The following ELMO1 variants were observed in gnomAD, a reference collection of about 807,000 sequenced individuals.
The protein encoded by ELMO1 is engulfment and cell motility protein 1.
In ELMO1, 26 loss-of-function variants were observed where a neutral mutation model predicts 98.9. The ratio of observed to expected loss-of-function variants is 0.26; its 90% CI spans 0.19 to 0.36. The LOEUF (loss-of-function observed/expected upper bound fraction) is 0.36, where lower values mean the gene tolerates loss of function less well. ELMO1 is among the 10% of genes least tolerant of loss of function. ELMO1 has a pLI of 1.00. For missense variants in ELMO1, 627 were observed against 935.2 expected, an observed-to-expected ratio of 0.67 and a Z score of 4.30; for synonymous variants, 346 against 346.0, an observed-to-expected ratio of 1.00 and a Z score of 0.00.
intron 4 of ELMO1, among the ~76,000 whole-genome samples, chr7:37,309,843 C>A (rs970248513): frequency 6.6e-6 from 1 of 152,234 alleles, no homozygotes; most frequent in African/African-American, 2.4e-5. Flanking sequence ...CCCTCCCAGG[C>A]CTTCATCCTT....
In ELMO1 at chr7:37,321,279, T is replaced by C. The variant is rs140127954; in HGVS notation, c.79-5319A>G. On this transcript the variant is annotated intron_variant, in intron 2 of 21. Coordinates refer to ENST00000310758, the MANE Select transcript of ELMO1 (RefSeq NM_014800.11). ...AAACGCCAGCTCTGCCTTATGGACT[T>C]TTTAGTTAACATTTGCCCAAAAGGT... is the stretch of plus-strand genomic sequence containing the variant. Among the ~76,000 whole-genome samples, 339 of 152,282 alleles carry C rather than the reference T, an allele frequency of 2.2e-3. 1 individual carries two copies. The highest frequency in any genetic ancestry group is 7.7e-3 in the African/African-American group (322 of 41,558).
At chr7:37,331,001 G>C (rs959352969) in intron 2 of ELMO1, among the ~76,000 whole-genome samples, 2 of 152,166 alleles carry the variant, frequency 1.3e-5, no homozygotes, top group African/African-American at 4.8e-5. Context: ...AAGGGGTGCT[G>C]CAAGTCCTGG....
chr7:37,147,148 G>C (rs1397932447), intron 13 of ELMO1, among the ~76,000 whole-genome samples: 2 of 152,076 alleles, frequency 1.3e-5, no homozygotes, highest in African/African-American at 4.8e-5. Flanking sequence ...GGGAAATCTG[G>C]CTCATGAATA....
At chr7:37,178,274 A>T (rs1790612694) in intron 13 of ELMO1, among the ~76,000 whole-genome samples, 1 of 152,046 alleles carries the variant, frequency 6.6e-6, no homozygotes, top group African/African-American at 2.4e-5. Context: ...AATAAGAACC[A>T]AGCAAAGGGG....
intron 6 of ELMO1, 90 bp downstream of exon 6, chr7:37,259,091 A>C: frequency 7.0e-7 from 1 of 1,422,796 alleles, no homozygotes; most frequent in South Asian, 1.6e-5. Context: ...TGGTCTTTAA[A>C]ACAGAGTTTG....
At chr7:37,045,144 A>G (rs755268338) in intron 15 of ELMO1, among the ~76,000 whole-genome samples, 8 of 152,370 alleles carry the variant, frequency 5.3e-5, no homozygotes, top group East Asian at 1.9e-4. Context: ...ATAGAAATCA[A>G]TGACCAAATG....
chr7:36,936,981 G>C (rs1786589952), intron 16 of ELMO1, among the ~76,000 whole-genome samples: 2 of 152,144 alleles, frequency 1.3e-5, no homozygotes, highest in African/African-American at 2.4e-5. Flanking sequence ...TTCTCCCAGG[G>C]ATCTACTTCA....
At chr7:37,368,617 C>A (rs766223760) in intron 1 of ELMO1, among the ~76,000 whole-genome samples, 9 of 152,144 alleles carry the variant, frequency 5.9e-5, no homozygotes, top group Non-Finnish European at 1.3e-4. Flanking sequence ...AAAAGATCAA[C>A]CACCCAGGAA....
intron 4 of ELMO1, among the ~76,000 whole-genome samples, chr7:37,272,161 A>T (rs1347714229): frequency 6.6e-6 from 1 of 152,204 alleles, no homozygotes; most frequent in East Asian, 1.9e-4. Context: ...TGACTCCTAC[A>T]TTTCTACAAT....
intron 5 of ELMO1, among the ~76,000 whole-genome samples, chr7:37,264,065 G>T (rs1326029303): frequency 1.3e-5 from 2 of 152,190 alleles, no homozygotes; most frequent in African/African-American, 4.8e-5. Context: ...GGAACTTTTA[G>T]AGAATGTAAA....
At chr7:37,259,372 G>T (rs1481886611) in intron 5 of ELMO1, 22 bp from the exon 6 acceptor site, 1 of 1,607,540 alleles carries the variant, frequency 6.2e-7, no homozygotes, top group Non-Finnish European at 8.5e-7. Context: ...AAAGCAAAGG[G>T]AAGAGTGTTG....
Position 37,211,423 on chromosome 7 carries a change from G to A in ELMO1, c.1049C>T (p.Ser350Phe), listed in dbSNP as rs1304643674. 2.5e-6 allele frequency: 4 copies of A among 1,614,070 alleles called. No individual in the cohort carries two copies. Residue 350 changes from serine (S) to phenylalanine (F), a missense_variant, in exon 13 of 22, where the codon TCC becomes TTC. Around this residue, in one of 3 missense-constraint regions of ELMO1, gnomAD observed 492 missense variants for 715.6 expected, o/e 0.69. Transcript: ENST00000310758. ...CTTCTTATAATCTCGCGTGTACATG[G>A]ACTTGCGTTTCTCCATGCTGCCACT... ...NSSGSMEKRK[S>F]MYTRDYKKLG...
chr7:37,133,897 T>G (rs1787090315), intron 13 of ELMO1, among the ~76,000 whole-genome samples: 1 of 152,142 alleles, frequency 6.6e-6, no homozygotes, highest in Non-Finnish European at 1.5e-5. Flanking sequence ...TAGCTACAGA[T>G]ATGCAGAACT....
intron 5 of ELMO1, among the ~76,000 whole-genome samples, chr7:37,268,201 GAGACACTACA>G (rs1247123372): frequency 6.6e-6 from 1 of 152,154 alleles, no homozygotes; most frequent in Non-Finnish European, 1.5e-5. Flanking sequence ...TGGCAGGTAG[GAGACACTACA>G]AGACACTACT....
At chr7:37,009,498 T>C (rs1359759444) in intron 16 of ELMO1, among the ~76,000 whole-genome samples, 1 of 152,238 alleles carries the variant, frequency 6.6e-6, no homozygotes, top group Non-Finnish European at 1.5e-5. Flanking sequence ...AGCAGTGGCA[T>C]TAACTACCAA....
chr7:37,217,674 C>T, intron 10 of ELMO1: 1 of 456,840 alleles, frequency 2.2e-6, no homozygotes, highest in Non-Finnish European at 4.4e-6. Flanking sequence ...GAGAGCAGGG[C>T]CCACTTTACG....
intron 4 of ELMO1, among the ~76,000 whole-genome samples, chr7:37,275,390 A>G (rs1376852915): frequency 1.3e-5 from 2 of 152,242 alleles, no homozygotes; most frequent in Non-Finnish European, 2.9e-5. Context: ...ATTGCTTTCA[A>G]GAAAGGGTCT....
At chr7:37,004,762 C>T (rs1486678960) in intron 16 of ELMO1, among the ~76,000 whole-genome samples, 1 of 152,162 alleles carries the variant, frequency 6.6e-6, no homozygotes, top group Non-Finnish European at 1.5e-5. Context: ...ATGCCTTCAG[C>T]TAAAGATAGC....
chr7:37,220,537 CAAAG>C (rs1793533260), intron 10 of ELMO1, among the ~76,000 whole-genome samples: 1 of 152,034 alleles, frequency 6.6e-6, no homozygotes, highest in Admixed American at 6.6e-5. Context: ...GCATAGTTTT[CAAAG>C]AAAGACTTGA....
Sources: allele counts gnomAD v4.1 joint callset (sites outside exome capture counted in the v4.1 genomes callset), GRCh38; gene constraint gnomAD v4.1.1; regional missense constraint gnomAD v4.1.1; transcripts MANE v1.5; gene names NCBI Gene and HGNC (gene_info 2026-07-23, HGNC 2026-07-21).